The following PTPRK variants were observed in gnomAD, a reference collection of about 807,000 sequenced individuals.
The protein encoded by PTPRK is protein tyrosine phosphatase receptor type K.
PTPRK carries 75 observed loss-of-function variants against 178.0 expected under a neutral mutation model. The observed-to-expected ratio is 0.42, with a 90% confidence interval of 0.35 to 0.51. The LOEUF (loss-of-function observed/expected upper bound fraction) is 0.51. Among genes scored for constraint, PTPRK ranks in the 20% least tolerant of loss-of-function variants. PTPRK has a pLI of 0.02. For synonymous variants in PTPRK, 637 were observed against 620.6 expected, an observed-to-expected ratio of 1.03 and a Z score of -0.39; for missense variants, 1,441 against 1,797.8, an observed-to-expected ratio of 0.80 and a Z score of 3.59.
intron 1 of PTPRK, among the ~76,000 whole-genome samples, chr6:128,511,498 A>G (rs1010561678): frequency 1.3e-5 from 2 of 152,182 alleles, no homozygotes; most frequent in Non-Finnish European, 2.9e-5. Flanking sequence ...TGAACCTGGG[A>G]TCTTGTTCGG....
At chr6:128,481,951 C>T (rs1852143764) in intron 1 of PTPRK, among the ~76,000 whole-genome samples, 1 of 152,078 alleles carries the variant, frequency 6.6e-6, no homozygotes, top group Admixed American at 6.6e-5. Flanking sequence ...GGCTACCGTA[C>T]ATTTTCTTCT....
intron 13 of PTPRK, among the ~76,000 whole-genome samples, chr6:128,033,482 T>C (rs1352018040): frequency 2.6e-5 from 4 of 152,232 alleles, no homozygotes; most frequent in Non-Finnish European, 5.9e-5. Flanking sequence ...ATTATTGCAT[T>C]CAAATAAATT....
intron 3 of PTPRK, among the ~76,000 whole-genome samples, chr6:128,292,436 G>T (rs1474206575): frequency 6.6e-6 from 1 of 151,958 alleles, no homozygotes; most frequent in Non-Finnish European, 1.5e-5. Flanking sequence ...TATTCTAATT[G>T]CAATTTTATC....
At chr6:128,200,475 A>G (rs1452516843) in intron 6 of PTPRK, among the ~76,000 whole-genome samples, 1 of 152,090 alleles carries the variant, frequency 6.6e-6, no homozygotes, top group Non-Finnish European at 1.5e-5. Context: ...CTATTATCAT[A>G]GCAATTTGAG....
Position 128,273,793 on chromosome 6 carries a change from G to A in PTPRK, c.496-31191C>T, listed in dbSNP as rs115975389. ...TGGAAAATTAGTCAGTGCATAAGTC[G>A]CAATTTATCACTGTAATGTCTCAAA... is the stretch of plus-strand genomic sequence containing the variant. On this transcript the variant is annotated intron_variant, in intron 3 of 29. Coordinates refer to ENST00000368226, the MANE Select transcript of PTPRK (RefSeq NM_002844.4). Among the ~76,000 whole-genome samples the A allele has an allele frequency of 6.3e-3, 963 of 152,128 alleles. 11 individuals carry two copies. The highest frequency in any genetic ancestry group is 0.022 in the African/African-American group (903 of 41,492).
intron 6 of PTPRK, among the ~76,000 whole-genome samples, chr6:128,207,322 T>A (rs1349174498): frequency 2.0e-5 from 3 of 152,188 alleles, no homozygotes; most frequent in Non-Finnish European, 1.5e-5. Flanking sequence ...ATAGTGCCTT[T>A]CACCTACAGT....
intron 1 of PTPRK, among the ~76,000 whole-genome samples, chr6:128,464,634 TAC>T (rs1554271810): frequency 1.5e-4 from 6 of 40,906 alleles, no homozygotes; most frequent in Non-Finnish European, 1.9e-4. Context: ...TATATATATA[TAC>T]ACATATATAT....
chr6:128,422,371 G>T (rs939266522), intron 1 of PTPRK, among the ~76,000 whole-genome samples: 2 of 152,026 alleles, frequency 1.3e-5, no homozygotes, highest in Non-Finnish European at 1.5e-5. Flanking sequence ...AAGAAAAAAA[G>T]CCAACACACA....
At chr6:128,045,731 G>A (rs2114852678) in intron 13 of PTPRK, among the ~76,000 whole-genome samples, 1 of 152,128 alleles carries the variant, frequency 6.6e-6, no homozygotes, top group East Asian at 1.9e-4. Flanking sequence ...CCATTCCAAA[G>A]AGATTAATAC....
intron 27 of PTPRK, 54 bp from the exon 28 acceptor site, chr6:127,973,881 A>G: frequency 6.5e-7 from 1 of 1,536,438 alleles, no homozygotes; most frequent in Non-Finnish European, 8.9e-7. Context: ...TTTTTACTAA[A>G]AAGTAAAAGG....
At chr6:128,329,589 A>G (rs1830007638) in intron 2 of PTPRK, among the ~76,000 whole-genome samples, 1 of 152,128 alleles carries the variant, frequency 6.6e-6, no homozygotes, top group African/African-American at 2.4e-5. Context: ...CCATTGGTGT[A>G]AGTTCCAATC....
At chr6:128,359,132 T>C (rs931569034) in intron 2 of PTPRK, among the ~76,000 whole-genome samples, 1 of 152,314 alleles carries the variant, frequency 6.6e-6, no homozygotes, top group African/African-American at 2.4e-5. Context: ...AGGGCAACCA[T>C]ACAACCCAGT....
chr6:128,008,666 C>A (rs1403469028), intron 14 of PTPRK, among the ~76,000 whole-genome samples: 1 of 150,954 alleles, frequency 6.6e-6, no homozygotes, highest in African/African-American at 2.4e-5. Context: ...AATTTTTAGT[C>A]AATGAATATT....
At chr6:128,475,785 A>C (rs780502869) in intron 1 of PTPRK, among the ~76,000 whole-genome samples, 2 of 152,076 alleles carry the variant, frequency 1.3e-5, no homozygotes, top group Non-Finnish European at 2.9e-5. Context: ...CTGGGCTGGG[A>C]TATTTATTTG....
chr6:128,285,863 A>T (rs77651257), intron 3 of PTPRK, among the ~76,000 whole-genome samples: 1 of 152,098 alleles, frequency 6.6e-6, no homozygotes, highest in Non-Finnish European at 1.5e-5. Context: ...GAAAGTTAGA[A>T]ATATTGAGGT....
In PTPRK at chr6:128,067,736, C is replaced by T; in HGVS notation, c.1940G>A (p.Gly647Glu). 1 of 1,613,406 alleles carries T rather than the reference C, an allele frequency of 6.2e-7. No individual in the cohort carries two copies. The highest frequency in any genetic ancestry group is 8.5e-7 in the Non-Finnish European group (1 of 1,179,528). The change falls in exon 12 of 30, where the codon GGA becomes GAA. Residue 647 changes from glycine to glutamate, a missense_variant. Around this residue, in one of 4 missense-constraint regions of PTPRK, gnomAD observed 945 missense variants for 1,080.6 expected, o/e 0.87. Transcript: ENST00000368226. ...AGGAACCTGGTAGCATTCCATGGCTCCGGCTTCTCTCTTGGTTCGGTGTGG... is the reference window on the plus strand; with the variant it reads ...AGGAACCTGGTAGCATTCCATGGCTTCGGCTTCTCTCTTGGTTCGGTGTGG... ...LHPHRTKREA[G>E]AMECYQVPVT...
intron 5 of PTPRK, among the ~76,000 whole-genome samples, chr6:128,221,971 C>T (rs1318097199): frequency 1.3e-5 from 2 of 152,140 alleles, no homozygotes; most frequent in Non-Finnish European, 2.9e-5. Flanking sequence ...GGAAGGCCCA[C>T]CACGCTGCTT....
At chr6:128,001,115 C>A (rs1777782848) in intron 15 of PTPRK, 2 of 1,158,798 alleles carry the variant, frequency 1.7e-6, no homozygotes, top group East Asian at 2.6e-5. Flanking sequence ...TAATCATTAT[C>A]CTTATTATAC....
At chr6:128,427,939 A>G (rs969661221) in intron 1 of PTPRK, among the ~76,000 whole-genome samples, 2 of 152,054 alleles carry the variant, frequency 1.3e-5, no homozygotes, top group Non-Finnish European at 2.9e-5. Flanking sequence ...AAAAAACACA[A>G]AAAATTAGCC....
Sources: allele counts gnomAD v4.1 joint callset (sites outside exome capture counted in the v4.1 genomes callset), GRCh38; gene constraint gnomAD v4.1.1; regional missense constraint gnomAD v4.1.1; transcripts MANE v1.5; gene names NCBI Gene and HGNC (gene_info 2026-07-23, HGNC 2026-07-21).